Variants in NSRP1 observed in about 807,000 individuals in gnomAD.
The protein encoded by NSRP1 is coiled-coil domain containing 55.
Under a neutral mutation model 54.7 loss-of-function variants are expected in NSRP1, and 24 were observed. The observed-to-expected ratio is 0.44, with a 90% confidence interval of 0.32 to 0.62. NSRP1 has a LOEUF of 0.62. Ranked by LOEUF, NSRP1 falls within the 20% of genes least tolerant of loss-of-function variation. The probability of loss-of-function intolerance (pLI) is 0.06; values close to 1 mark genes in which losing one functional copy is unlikely to be tolerated. For missense variants in NSRP1, 596 were observed against 651.2 expected (o/e 0.92, Z 0.92); for synonymous variants, 210 against 213.8 (o/e 0.98, Z 0.15).
Position 30,185,044 on chromosome 17 carries a change from C to T in NSRP1, c.1047C>T (p.Ala349=). 25 of 1,614,000 alleles carry T rather than the reference C, an allele frequency of 1.5e-5. No homozygotes were observed. Among genetic ancestry groups the T allele is most frequent in the Non-Finnish European group, 2.1e-5 (25 of 1,180,006 alleles). ...GGGATTCTCATAGGCACAGAGAGGC[C>T]AGTCATAGAGATTCCCATTGGAAGA... ...KERDSHRHRE[A]SHRDSHWKRH... is the part of the protein sequence containing the mutation. Residue 349 remains alanine, a synonymous_variant, in exon 7 of 7, where the codon GCC becomes GCT. Transcript: ENST00000247026.
chr17:30,157,764 T>C (rs1361438776), intron 2 of NSRP1, among the ~76,000 whole-genome samples: 1 of 152,200 alleles, frequency 6.6e-6, no homozygotes, highest in Non-Finnish European at 1.5e-5. Context: ...ACATGCAATA[T>C]TTGTCTTTCT....
intron 2 of NSRP1, among the ~76,000 whole-genome samples, chr17:30,172,153 T>G (rs1310701006): frequency 6.6e-6 from 1 of 152,226 alleles, no homozygotes; most frequent in African/African-American, 2.4e-5. Context: ...TCTGAGGATT[T>G]ACAATGCAAA....
intron 2 of NSRP1, among the ~76,000 whole-genome samples, chr17:30,167,153 G>A (rs1049924567): frequency 1.3e-5 from 2 of 151,998 alleles, no homozygotes; most frequent in African/African-American, 4.8e-5. Context: ...ATCTTTTTGT[G>A]TGTGGCTTAT....
chr17:30,166,689 G>A (rs1159344532), intron 2 of NSRP1, among the ~76,000 whole-genome samples: 4 of 152,076 alleles, frequency 2.6e-5, no homozygotes, highest in Non-Finnish European at 4.4e-5. Flanking sequence ...TTGGGAGGCC[G>A]AGGTAGGCAG....
At chr17:30,171,966 A>ACACACACACT (rs1904951539) in intron 2 of NSRP1, among the ~76,000 whole-genome samples, 2 of 129,152 alleles carry the variant, frequency 1.5e-5, no homozygotes, top group African/African-American at 2.9e-5. Flanking sequence ...ACACACACAC[A>ACACACACACT]CACACACTCC....
At chr17:30,172,083 A>G (rs1904972293) in intron 2 of NSRP1, among the ~76,000 whole-genome samples, 1 of 151,736 alleles carries the variant, frequency 6.6e-6, no homozygotes, top group Non-Finnish European at 1.5e-5. Flanking sequence ...AGGACTAAAA[A>G]TTCATGTTTA....
intron 2 of NSRP1, among the ~76,000 whole-genome samples, chr17:30,162,611 A>G (rs1013150443): frequency 6.6e-6 from 1 of 152,210 alleles, no homozygotes; most frequent in East Asian, 1.9e-4. Context: ...GTTTTTGTTT[A>G]GCTAAGAGCC....
In NSRP1 at chr17:30,184,878, A is replaced by C; in HGVS notation, c.881A>C (p.Glu294Ala). The part of the protein sequence containing the change: ...RSQNHSRSPS[E>A]ERGHSTRHHT... The stretch of plus-strand genomic sequence containing the variant: ...CAAAACCACTCTCGGTCACCTAGTG[A>C]AGAAAGAGGGCACAGTACCAGGCAC... Residue 294 changes from glutamate (E) to alanine (A), a missense_variant, in exon 7 of 7, where the codon GAA becomes GCA. By Grantham distance (107) the Glu-to-Ala change is moderately radical. Transcript: ENST00000247026. The C allele has an allele frequency of 3.1e-6, 5 of 1,614,146 alleles. No homozygotes were observed. The highest frequency in any genetic ancestry group is 4.2e-6 in the Non-Finnish European group (5 of 1,180,028).
At chr17:30,147,934 C>T (rs970565477) in intron 2 of NSRP1, among the ~76,000 whole-genome samples, 1 of 152,062 alleles carries the variant, frequency 6.6e-6, no homozygotes, top group Non-Finnish European at 1.5e-5. Flanking sequence ...GTCCCAGCCT[C>T]CCGAGTAGCT....
intron 2 of NSRP1, among the ~76,000 whole-genome samples, chr17:30,130,436 G>A (rs1415089384): frequency 6.6e-6 from 1 of 151,910 alleles, no homozygotes; most frequent in African/African-American, 2.4e-5. Flanking sequence ...CCATTTCTGA[G>A]GTCTTTGACT....
chr17:30,117,283 CCCTT>C, intron 1 of NSRP1: 2 of 586,668 alleles, frequency 3.4e-6, no homozygotes, highest in Middle Eastern at 9.1e-4. Flanking sequence ...CTGATTCCCG[CCCTT>C]CCTTCTCGTT....
chr17:30,146,567 T>G (rs2071857752), intron 2 of NSRP1, among the ~76,000 whole-genome samples: 1 of 152,184 alleles, frequency 6.6e-6, no homozygotes, highest in Non-Finnish European at 1.5e-5. Flanking sequence ...ATTAATGTCC[T>G]GTGCCTTATC....
chr17:30,136,615 C>T (rs2071753107), intron 2 of NSRP1, among the ~76,000 whole-genome samples: 1 of 152,016 alleles, frequency 6.6e-6, no homozygotes, highest in Admixed American at 6.6e-5. Flanking sequence ...TGGGTGACAG[C>T]ATTTTTTTAA....
chr17:30,129,366 A>G (rs2071679732), intron 2 of NSRP1, among the ~76,000 whole-genome samples: 1 of 151,748 alleles, frequency 6.6e-6, no homozygotes, highest in Non-Finnish European at 1.5e-5. Flanking sequence ...TTTTTTCAAA[A>G]TCATATTATT....
At chr17:30,165,720 C>G (rs1904707510) in intron 2 of NSRP1, among the ~76,000 whole-genome samples, 1 of 152,320 alleles carries the variant, frequency 6.6e-6, no homozygotes, top group Admixed American at 6.5e-5. Context: ...TCTAGTTACG[C>G]TATAGCTCCC....
chr17:30,133,109 ATTTTTTTTT>A (rs558445432), intron 2 of NSRP1, among the ~76,000 whole-genome samples: 1 of 110,934 alleles, frequency 9.0e-6, no homozygotes, highest in Non-Finnish European at 1.8e-5. Context: ...ACACCCAGCT[ATTTTTTTTT>A]TTTTTTTTTT....
chr17:30,127,524 C>G (rs918465282), intron 2 of NSRP1, among the ~76,000 whole-genome samples: 1 of 152,124 alleles, frequency 6.6e-6, no homozygotes, highest in Admixed American at 6.5e-5. Flanking sequence ...AAGTGATCCT[C>G]TCACTTAAAC....
At chr17:30,153,201 G>A (rs1333429611) in intron 2 of NSRP1, among the ~76,000 whole-genome samples, 1 of 152,068 alleles carries the variant, frequency 6.6e-6, no homozygotes, top group Non-Finnish European at 1.5e-5. Context: ...ACAGGCATAA[G>A]CCACCGTGCC....
intron 1 of NSRP1, chr17:30,117,447 C>T (rs1046375625): frequency 4.7e-6 from 2 of 427,084 alleles, no homozygotes; most frequent in African/African-American, 4.1e-5. Flanking sequence ...CTCCCGTGAT[C>T]TCCGCATCTT....
Sources: allele counts gnomAD v4.1 joint callset (sites outside exome capture counted in the v4.1 genomes callset), GRCh38; gene constraint gnomAD v4.1.1; transcripts MANE v1.5; gene names NCBI Gene and HGNC (gene_info 2026-07-23, HGNC 2026-07-21).